The following SIPA1L3 variants were observed in gnomAD, a reference collection of about 807,000 sequenced individuals.
SIPA1L3 encodes the protein signal-induced proliferation-associated 1-like protein 3.
A neutral mutation model predicts 150.1 loss-of-function variants in SIPA1L3; 59 were observed. The ratio of observed to expected loss-of-function variants is 0.39; its 90% confidence interval spans 0.32 to 0.49. SIPA1L3 has a LOEUF of 0.49. Among genes scored for constraint, SIPA1L3 ranks in the 20% least tolerant of loss-of-function variants. SIPA1L3 has a pLI of 0.86. For synonymous variants in SIPA1L3, 1,070 were observed against 1,077.6 expected, an observed-to-expected ratio of 0.99 and a Z score of 0.14; for missense variants, 2,211 against 2,489.5, an observed-to-expected ratio of 0.89 and a Z score of 2.38.
intron 16 of SIPA1L3, among the ~76,000 whole-genome samples, chr19:38,183,753 T>C (rs553543462): frequency 1.1e-3 from 172 of 151,932 alleles, no homozygotes; most frequent in Middle Eastern, 6.8e-3. Flanking sequence ...CTGAAACCCC[T>C]TGATGTTGAG....
At chr19:38,063,752 G>C (rs903899818) in intron 2 of SIPA1L3, among the ~76,000 whole-genome samples, 1 of 152,212 alleles carries the variant, frequency 6.6e-6, no homozygotes, top group South Asian at 2.1e-4. Context: ...CCCCTGTGGG[G>C]CCCCAGTGTT....
At chr19:38,058,545 T>C (rs2145775290) in intron 2 of SIPA1L3, among the ~76,000 whole-genome samples, 1 of 151,882 alleles carries the variant, frequency 6.6e-6, no homozygotes, top group Middle Eastern at 3.4e-3. Flanking sequence ...TCGGAGGGAG[T>C]GCACATTCCC....
chr19:38,182,618 G>C lies in SIPA1L3; in HGVS notation c.4308G>C (p.Gln1436His). 6.2e-7 allele frequency: 1 copy of C among 1,614,122 alleles called. No homozygotes were observed. The highest frequency in any genetic ancestry group is 8.5e-7 in the Non-Finnish European group (1 of 1,180,024). Reference sequence around the variant, plus strand: ...AGCTGGCCCAGCCCAGCCCCTTTCAGCTCTCCGCCTCCGTCCCCAAGTCCT... The same window carrying C: ...AGCTGGCCCAGCCCAGCCCCTTTCACCTCTCCGCCTCCGTCCCCAAGTCCT... ...PSQLAQPSPF[Q>H]LSASVPKSFF... Residue 1436 changes from glutamine to histidine, a missense_variant, in exon 16 of 22, where the codon CAG becomes CAC. Physicochemically the swap from Gln to His is conservative, Grantham distance 24. This residue lies in a region of SIPA1L3 where 806 missense variants were observed against 870.1 expected (regional missense o/e 0.93). Coordinates refer to ENST00000222345, the MANE Select transcript of SIPA1L3 (RefSeq NM_015073.3).
At chr19:38,202,560 C>T (rs955502180) in intron 20 of SIPA1L3, among the ~76,000 whole-genome samples, 7 of 152,122 alleles carry the variant, frequency 4.6e-5, no homozygotes, top group East Asian at 1.9e-4. Context: ...TGCACTCCAG[C>T]CTGGGCCACA....
chr19:38,164,604 C>G lies in SIPA1L3; in HGVS notation c.3906C>G (p.Ser1302=), dbSNP rs1377942996. 27 of 1,614,046 alleles carry G rather than the reference C, an allele frequency of 1.7e-5. No homozygotes were observed. The highest frequency in any genetic ancestry group is 2.7e-5 in the African/African-American group (2 of 74,926). Residue 1302 remains serine (S), a synonymous_variant, in exon 15 of 22, where the codon TCC becomes TCG. Coordinates refer to ENST00000222345, the MANE Select transcript of SIPA1L3 (RefSeq NM_015073.3). The surrounding 1 kb of genome is among the most constrained non-coding windows in gnomAD (Gnocchi z 4.1). ...TGGAGCCAGAGCAAGACCCCCTCTC[C>G]AAGGGTGGCTCTAGTGACAGCGGCA... ...DPLEPEQDPL[S]KGGSSDSGID...
chr19:38,092,862 T>TC (rs1244603260), intron 4 of SIPA1L3, among the ~76,000 whole-genome samples: 2 of 149,914 alleles, frequency 1.3e-5, no homozygotes, highest in African/African-American at 4.9e-5. Context: ...ATTTTTTTTT[T>TC]TTTTTTTTTT....
At chr19:37,944,718 A>AGGC (rs779438627) in intron 1 of SIPA1L3, among the ~76,000 whole-genome samples, 2 of 152,148 alleles carry the variant, frequency 1.3e-5, no homozygotes, top group Non-Finnish European at 2.9e-5. Context: ...TGGGAGGCTG[A>AGGC]GGCGGGCAGA....
intron 10 of SIPA1L3, among the ~76,000 whole-genome samples, chr19:38,138,910 A>AAAACAAAAAAAACAAAAAC (rs1555791055): frequency 1.8e-5 from 2 of 112,786 alleles, no homozygotes; most frequent in Admixed American, 1.9e-4. Context: ...AAAAAAAAAA[A>AAAACAAAAAAAACAAAAAC]AAAAACTGAG....
At chr19:38,010,045 T>C (rs572337701) in intron 1 of SIPA1L3, among the ~76,000 whole-genome samples, 1 of 152,264 alleles carries the variant, frequency 6.6e-6, no homozygotes, top group Admixed American at 6.5e-5. Context: ...CTCTTAATTA[T>C]GTCTTATACT....
At chr19:38,192,876 A>AC (rs1245549261) in intron 17 of SIPA1L3, among the ~76,000 whole-genome samples, 2 of 152,140 alleles carry the variant, frequency 1.3e-5, no homozygotes, top group Non-Finnish European at 2.9e-5. Context: ...GGAAGAGAGC[A>AC]CATCAGCCCA....
At chr19:37,938,953 G>T (rs1429344712) in intron 1 of SIPA1L3, among the ~76,000 whole-genome samples, 1 of 151,972 alleles carries the variant, frequency 6.6e-6, no homozygotes, top group African/African-American at 2.4e-5. Flanking sequence ...TTGAATTGTA[G>T]GTGTTCTTTA....
chr19:38,116,508 G>A (rs1328295378), intron 8 of SIPA1L3, among the ~76,000 whole-genome samples: 6 of 130,634 alleles, frequency 4.6e-5, no homozygotes, highest in Admixed American at 8.5e-5. Flanking sequence ...GGGCAACAGA[G>A]CAGCAAGACT....
At chr19:38,033,057 A>G (rs1215199162) in intron 2 of SIPA1L3, among the ~76,000 whole-genome samples, 1 of 152,232 alleles carries the variant, frequency 6.6e-6, no homozygotes, top group Non-Finnish European at 1.5e-5. Flanking sequence ...ATTCATCCAC[A>G]GCCATCCGGG....
rs141397100 is a variant in SIPA1L3, at chr19:38,167,474, A to G, written c.4208+2568A>G. ...AAGGGTCTCCTTGAGTCAAAGAGCC[A>G]GGAGAAGGGCTGAAGGAGGAAAGAG... On this transcript the variant is annotated intron_variant, in intron 15 of 21. Transcript: ENST00000222345. Among the ~76,000 whole-genome samples, 152 of 152,264 alleles carry G rather than the reference A, an allele frequency of 1.0e-3. 1 individual carries two copies. Among genetic ancestry groups the G allele is most frequent in the African/African-American group, 3.4e-3 (141 of 41,556 alleles).
intron 10 of SIPA1L3, among the ~76,000 whole-genome samples, chr19:38,139,806 C>G (rs1256365782): frequency 6.6e-6 from 1 of 152,170 alleles, no homozygotes. Context: ...AGGATAGGGC[C>G]TGGTCTTTCT....
At chr19:38,154,043 A>G (rs1160148402) in intron 13 of SIPA1L3, among the ~76,000 whole-genome samples, 1 of 151,918 alleles carries the variant, frequency 6.6e-6, no homozygotes, top group Non-Finnish European at 1.5e-5. Flanking sequence ...CCAAACCCCC[A>G]TTCCCCTCCC....
At chr19:38,181,504 C>T (rs531171792) in intron 15 of SIPA1L3, among the ~76,000 whole-genome samples, 5 of 151,596 alleles carry the variant, frequency 3.3e-5, no homozygotes, top group African/African-American at 7.3e-5. Context: ...CCCACCCATC[C>T]CCCACAAAAT....
In SIPA1L3 at chr19:38,082,698, C is replaced by T; in HGVS notation, c.1133C>T (p.Ala378Val). ...TTTGASAASAASAMASLTASR... is the reference protein window; with the variant it reads ...TTTGASAASAVSAMASLTASR... ...ACGGGTGCTTCGGCCGCTTCCGCCG[C>T]CTCGGCCATGGCCTCCCTCACGGCC... The change falls in exon 3 of 22, where the codon GCC (alanine) becomes GTC (valine). Residue 378 changes from alanine (A) to valine (V), a missense_variant. By Grantham distance (64) the Ala-to-Val change is moderately conservative. Around this residue, in one of 5 missense-constraint regions of SIPA1L3, gnomAD observed 587 missense variants for 534.5 expected, o/e 1.10. Coordinates refer to ENST00000222345, the MANE Select transcript of SIPA1L3 (RefSeq NM_015073.3). 2 of 1,610,238 alleles carry T rather than the reference C, an allele frequency of 1.2e-6. No individual in the cohort carries two copies. The highest frequency in any genetic ancestry group is 1.7e-6 in the Non-Finnish European group (2 of 1,178,968).
Position 38,090,540 on chromosome 19 carries a change from C to T in SIPA1L3, c.1665+1689C>T, listed in dbSNP as rs148826672. 2.7e-3 allele frequency among the ~76,000 whole-genome samples: 406 copies of T among 152,262 alleles called. 9 individuals are homozygous for T. Among genetic ancestry groups the T allele is most frequent in the South Asian group, 0.025 (122 of 4,828 alleles). On this transcript the variant is annotated intron_variant, in intron 4 of 21. Transcript: ENST00000222345. The stretch of plus-strand genomic sequence containing the variant: ...CACCAGAGCTCCCTGGAGGAGGAGG[C>T]AGGGCAGATCCTCAGCAAAAAGAGG...
Sources: gnomAD v4.1 joint callset for allele counts (sites outside exome capture counted in the v4.1 genomes callset) on GRCh38, gnomAD v4.1.1 for gene constraint, gnomAD v4.1.1 regional missense constraint, Gnocchi (gnomAD v3.1) non-coding constraint, MANE v1.5 for transcripts, NCBI Gene and HGNC (gene_info 2026-07-23, HGNC 2026-07-21) for gene names.